POLR1B: variants seen among roughly 807,000 people sequenced by gnomAD.
POLR1B encodes the protein RNA polymerase I subunit B, also known as DNA-directed RNA polymerase I subunit RPA2.
POLR1B carries 30 observed loss-of-function variants against 105.8 expected under a neutral mutation model. The observed-to-expected ratio is 0.28, with a 90% CI of 0.21 to 0.38. The LOEUF is 0.38. Ranked by LOEUF, POLR1B falls within the 10% of genes least tolerant of loss-of-function variation. The probability of loss-of-function intolerance (pLI) is 1.00; values close to 1 mark genes in which losing one functional copy is unlikely to be tolerated. For missense variants in POLR1B, 976 were observed against 1,435.8 expected, an observed-to-expected ratio of 0.68 and a Z score of 5.17; for synonymous variants, 485 against 505.1, an observed-to-expected ratio of 0.96 and a Z score of 0.53.
upstream of POLR1B, chr2:112,542,131 C>G: frequency 6.5e-7 from 1 of 1,535,696 alleles, no homozygotes; most frequent in Non-Finnish European, 8.7e-7. Flanking sequence ...CGCTCTCCTC[C>G]GATCCTAATT....
At chr2:112,542,893 G>A in intron 1 of POLR1B, 1 of 626,876 alleles carries the variant, frequency 1.6e-6, no homozygotes, top group African/African-American at 1.8e-5. Context: ...GGAGTGAAAA[G>A]TGATTGTGAA....
intron 7 of POLR1B, 53 bp downstream of exon 7, chr2:112,552,869 G>A: frequency 2.1e-6 from 3 of 1,405,238 alleles, no homozygotes; most frequent in Non-Finnish European, 2.8e-6. Flanking sequence ...GTGGAATGGC[G>A]TGACTTTGTC....
chr2:112,564,630 C>T (rs779385531), intron 10 of POLR1B, 131 bp downstream of exon 10: 20 of 1,220,692 alleles, frequency 1.6e-5, no homozygotes, highest in Non-Finnish European at 2.3e-5. Flanking sequence ...TCCAGAATGC[C>T]TGTGCATTCC....
intron 8 of POLR1B, among the ~76,000 whole-genome samples, chr2:112,559,038 TTTA>T (rs1295138086): frequency 6.6e-6 from 1 of 152,096 alleles, no homozygotes; most frequent in Non-Finnish European, 1.5e-5. Context: ...TATTAACTCA[TTTA>T]ATGTTCACCC....
chr2:112,568,067 C>T lies in POLR1B; in HGVS notation c.1847C>T (p.Pro616Leu), dbSNP rs375074902. Reference sequence around the variant, plus strand: ...CCAGGATTGTTCCTTTTTACCACTCCTTGTAGACTGGTACGGCCTGTGCAG... The same window carrying T: ...CCAGGATTGTTCCTTTTTACCACTCTTTGTAGACTGGTACGGCCTGTGCAG... ...LYPGLFLFTT[P>L]CRLVRPVQNL... is the part of the protein sequence containing the mutation. Residue 616 changes from proline to leucine, a missense_variant, in exon 11 of 15, where the codon CCT (proline) becomes CTT (leucine). Coordinates refer to ENST00000263331, the MANE Select transcript of POLR1B (RefSeq NM_019014.6). 21 of 1,613,908 alleles carry T rather than the reference C, an allele frequency of 1.3e-5. No individual in the cohort carries two copies. Among genetic ancestry groups the T allele is most frequent in the Non-Finnish European group, 1.8e-5 (21 of 1,179,906 alleles).
In POLR1B at chr2:112,568,050, G is replaced by A. The variant is rs1684395523; in HGVS notation, c.1830G>A (p.Leu610=). The A allele has an allele frequency of 6.2e-7, 1 of 1,613,990 alleles. No homozygotes were observed. Residue 610 remains leucine (L), a synonymous_variant, in exon 11 of 15, where the codon TTG becomes TTA. Transcript: ENST00000263331. ...MTGKPSLYPG[L]FLFTTPCRLV... ...GAAAACCAAGTCTGTACCCAGGATT[G>A]TTCCTTTTTACCACTCCTTGTAGAC...
At chr2:112,549,205 G>C (rs1228870848) in intron 3 of POLR1B, 62 bp from the exon 4 acceptor site, 5 of 1,582,032 alleles carry the variant, frequency 3.2e-6, no homozygotes, top group Non-Finnish European at 4.3e-6. Context: ...TAGGAGTGAG[G>C]TTCATGTTTA....
upstream of POLR1B, chr2:112,542,351 G>A (rs1381074864): frequency 6.4e-7 from 1 of 1,564,220 alleles, no homozygotes; most frequent in East Asian, 2.4e-5. Context: ...CGAAACCGCA[G>A]GGCCTAGGGC....
intron 10 of POLR1B, among the ~76,000 whole-genome samples, chr2:112,565,263 C>G (rs905609095): frequency 6.6e-6 from 1 of 152,132 alleles, no homozygotes; most frequent in African/African-American, 2.4e-5. Flanking sequence ...GATGTTTAAT[C>G]AGTACATGGG....
Position 112,572,608 on chromosome 2 carries a change from G to C in POLR1B, c.2121G>C (p.Ser707=). ...CACTTCTCACTTATCAAGACCGATC[G>C]GATAACAAACTGTATCGTCTTCAGA... The part of the protein sequence containing the change: ...GFPLLTYQDR[S]DNKLYRLQTP... Residue 707 remains serine, a synonymous_variant, in exon 13 of 15, where the codon TCG becomes TCC. Coordinates refer to ENST00000263331, the MANE Select transcript of POLR1B (RefSeq NM_019014.6). 1 of 1,609,322 alleles carries C rather than the reference G, an allele frequency of 6.2e-7. No individual in the cohort carries two copies. The highest frequency in any genetic ancestry group is 8.5e-7 in the Non-Finnish European group (1 of 1,177,808).
In POLR1B at chr2:112,575,653, C is replaced by A; in HGVS notation, c.3332C>A (p.Ser1111Tyr). ...CGCAGTGACACTATCGATACTGTTT[C>A]TGTGCCTTATGTTTTTCGGTATTTT... The part of the protein sequence containing the change: ...CSRSDTIDTV[S>Y]VPYVFRYFVA... The change falls in exon 15 of 15, where the codon TCT (serine) becomes TAT (tyrosine). Residue 1111 changes from serine (S) to tyrosine (Y), a missense_variant. Transcript: ENST00000263331. This position sits in a 1 kb window ranked among gnomAD's most constrained non-coding sequence, Gnocchi z 5.3. 6.2e-7 allele frequency: 1 copy of A among 1,614,134 alleles called. No homozygotes were observed. The highest frequency in any genetic ancestry group is 1.3e-5 in the African/African-American group (1 of 75,032).
upstream of POLR1B, chr2:112,542,353 GC>G: frequency 1.3e-6 from 2 of 1,570,892 alleles, no homozygotes; most frequent in Non-Finnish European, 1.7e-6. Flanking sequence ...AAACCGCAGG[GC>G]CTAGGGCGGG....
rs200995508 is a variant in POLR1B, at chr2:112,575,595, C to A, written c.3274C>A (p.Arg1092Ser). 10 of 1,614,106 alleles carry A rather than the reference C, an allele frequency of 6.2e-6. No individual in the cohort carries two copies. In the South Asian group the frequency reaches 7.7e-5, roughly 12 times the overall value. The change falls in exon 15 of 15, where the codon CGC becomes AGC. Residue 1092 changes from arginine (R) to serine (S), a missense_variant. Around this residue, in one of 12 missense-constraint regions of POLR1B, gnomAD observed 77 missense variants for 104.5 expected, o/e 0.74. Coordinates refer to ENST00000263331, the MANE Select transcript of POLR1B (RefSeq NM_019014.6). The surrounding 1 kb of genome is among the most constrained non-coding windows in gnomAD (Gnocchi z 5.3). ...EKPPPSWSAM[R>S]NRKYNCTLCS... ...GCCACCCCCTTCTTGGTCTGCCATGCGCAACAGAAAATACAACTGTACTCT... is the reference window on the plus strand; with the variant it reads ...GCCACCCCCTTCTTGGTCTGCCATGAGCAACAGAAAATACAACTGTACTCT...
chr2:112,572,883 T>A, intron 13 of POLR1B, 125 bp downstream of exon 13: 2 of 776,052 alleles, frequency 2.6e-6, no homozygotes, highest in Non-Finnish European at 2.0e-6. Flanking sequence ...GATGTTCTAT[T>A]AAATGATTAG....
chr2:112,545,627 C>CT (rs1399330850), intron 1 of POLR1B, among the ~76,000 whole-genome samples: 4 of 142,548 alleles, frequency 2.8e-5, no homozygotes, highest in South Asian at 4.5e-4. Flanking sequence ...TCTAATCTCT[C>CT]TTTTTTTAAC....
At chr2:112,555,765 A>G (rs185611112) in intron 7 of POLR1B, among the ~76,000 whole-genome samples, 2 of 152,366 alleles carry the variant, frequency 1.3e-5, no homozygotes, top group Admixed American at 1.3e-4. Context: ...ATTGCCGAGT[A>G]TCTGATTTCC....
rs760816301 is a variant in POLR1B at position 112,547,431 on chromosome 2, A to G, written c.356A>G (p.Asn119Ser). ...TYRGKLTADI[N>S]WAVNGISKGI... Reference sequence around the variant, plus strand: ...CTTGTTTTCATTTAGGCTGATATCAACTGGGCAGTGAATGGAATCTCAAAA... The same window carrying G: ...CTTGTTTTCATTTAGGCTGATATCAGCTGGGCAGTGAATGGAATCTCAAAA... Residue 119 changes from asparagine (N) to serine (S), a missense_variant, in exon 3 of 15, where the codon AAC (asparagine) becomes AGC (serine). Around this residue, in one of 12 missense-constraint regions of POLR1B, gnomAD observed 452 missense variants for 616.5 expected, o/e 0.73. Transcript: ENST00000263331. The G allele has an allele frequency of 4.3e-6, 7 of 1,613,960 alleles. No homozygotes were observed. The highest frequency in any genetic ancestry group is 3.3e-5 in the South Asian group (3 of 91,070).
chr2:112,543,899 CAT>C (rs1574085028), intron 1 of POLR1B, among the ~76,000 whole-genome samples: 1 of 151,920 alleles, frequency 6.6e-6, no homozygotes, highest in African/African-American at 2.4e-5. Flanking sequence ...GCTTGGATAA[CAT>C]AGTGAAACCC....
At chr2:112,543,999 G>T (rs1456881266) in intron 1 of POLR1B, among the ~76,000 whole-genome samples, 1 of 151,786 alleles carries the variant, frequency 6.6e-6, no homozygotes, top group Non-Finnish European at 1.5e-5. Context: ...TGAGGTGGGA[G>T]GATAAGTTGA....
Sources: gnomAD v4.1 joint callset for allele counts (sites outside exome capture counted in the v4.1 genomes callset) on GRCh38, gnomAD v4.1.1 for gene constraint, gnomAD v4.1.1 regional missense constraint, Gnocchi (gnomAD v3.1) non-coding constraint, MANE v1.5 for transcripts, NCBI Gene and HGNC (gene_info 2026-07-23, HGNC 2026-07-21) for gene names.